The following PPEF2 variants were observed in gnomAD, a reference collection of about 807,000 sequenced individuals.
PPEF2 encodes serine/threonine-protein phosphatase with EF-hands 2.
Under a neutral mutation model 84.7 loss-of-function variants are expected in PPEF2, and 84 were observed. The observed-to-expected ratio is 0.99, with a 90% confidence interval of 0.83 to 1.19. The LOEUF (loss-of-function observed/expected upper bound fraction) is 1.19. Among genes scored for constraint, PPEF2 ranks in the 50% most tolerant of loss-of-function variants. The pLI, the probability that PPEF2 is intolerant of heterozygous loss-of-function variation, is 0.00. For missense variants in PPEF2, 924 were observed against 937.5 expected (o/e 0.99, Z 0.19); for synonymous variants, 346 against 345.2 (o/e 1.00, Z -0.03).
At chr4:75,892,353 GGGGGT>G (rs751032767) in intron 2 of PPEF2, among the ~76,000 whole-genome samples, 1 of 152,090 alleles carries the variant, frequency 6.6e-6, no homozygotes, top group Admixed American at 6.5e-5. Flanking sequence ...GTTATAATGC[GGGGGT>G]GGGGTGGACA....
intron 10 of PPEF2, among the ~76,000 whole-genome samples, chr4:75,879,238 G>A (rs1283484397): frequency 6.6e-6 from 1 of 152,060 alleles, no homozygotes; most frequent in African/African-American, 2.4e-5. Flanking sequence ...TTTTTAAAAT[G>A]GTATTTTGAC....
At position 75,867,419 on chromosome 4, in the gene PPEF2, C is replaced by G. The variant is rs1724158073; in HGVS notation, c.1650G>C (p.Arg550Ser). ...KVTHTLTMRQ[R>S]ISRVEESALR... ...GAGCCGACTCCTCCACTCTGCTAAT[C>G]CTGGGACAGGAGATGAAAAGCGACA... is the stretch of plus-strand genomic sequence containing the variant. The change falls in exon 14 of 17, where the codon AGG becomes AGC. Residue 550 changes from arginine to serine, a missense_variant and splice_region_variant. By Grantham distance (110) the Arg-to-Ser change is moderately radical. Coordinates refer to ENST00000286719, the MANE Select transcript of PPEF2 (RefSeq NM_006239.3). 1.2e-6 allele frequency: 2 copies of G among 1,610,010 alleles called. No homozygotes were observed. The highest frequency in any genetic ancestry group is 2.7e-5 in the African/African-American group (2 of 74,606).
intron 4 of PPEF2, among the ~76,000 whole-genome samples, chr4:75,890,488 C>A (rs1236707367): frequency 3.0e-4 from 37 of 124,566 alleles, no homozygotes; most frequent in African/African-American, 6.4e-4. Context: ...GACCCTGTCT[C>A]AAAAAAAAAA....
chr4:75,889,046 C>T (rs12054638), intron 5 of PPEF2: 74,235 of 152,020 alleles, frequency 0.49, 20,512 homozygotes, highest in East Asian at 0.97. Context: ...TCCATCTCTA[C>T]TAAAAATATA....
intron 15 of PPEF2, among the ~76,000 whole-genome samples, chr4:75,865,156 C>G (rs1431104209): frequency 6.6e-6 from 1 of 152,096 alleles, no homozygotes; most frequent in African/African-American, 2.4e-5. Flanking sequence ...AGGCTAGTCT[C>G]GAACTTCCGA....
rs1724331417 is a variant in PPEF2 at position 75,873,328 on chromosome 4, G to T, written c.1321-16C>A. The T allele has an allele frequency of 6.3e-7, 1 of 1,584,658 alleles. No individual in the cohort carries two copies. Among genetic ancestry groups the T allele is most frequent in the African/African-American group, 1.4e-5 (1 of 73,786 alleles). On this transcript the variant is annotated splice_polypyrimidine_tract_variant and intron_variant, in intron 11 of 16. Transcript: ENST00000286719. ...TATCTACAACCTGAGAAGACCAAGAGATGATTTCCTTCCCAAAAACTAGAT... is the reference window on the plus strand; with the variant it reads ...TATCTACAACCTGAGAAGACCAAGATATGATTTCCTTCCCAAAAACTAGAT...
chr4:75,888,565 C>T (rs1478493446), intron 5 of PPEF2, among the ~76,000 whole-genome samples: 1 of 152,138 alleles, frequency 6.6e-6, no homozygotes, highest in Admixed American at 6.5e-5. Flanking sequence ...TTTCTCTTTC[C>T]TTTCTACTCT....
intron 1 of PPEF2, among the ~76,000 whole-genome samples, chr4:75,897,368 T>G (rs1725033497): frequency 6.6e-6 from 1 of 152,198 alleles, no homozygotes; most frequent in Non-Finnish European, 1.5e-5. Flanking sequence ...AACTCTCACA[T>G]TTTCAGCTAT....
At chr4:75,891,154 C>T (rs539445862) in intron 4 of PPEF2, among the ~76,000 whole-genome samples, 2 of 150,912 alleles carry the variant, frequency 1.3e-5, no homozygotes, top group South Asian at 2.1e-4. Flanking sequence ...GCACTCCAGC[C>T]TGGGTCACAG....
intron 8 of PPEF2, chr4:75,883,594 G>A (rs4590067): frequency 0.91 from 166,894 of 183,944 alleles, 77,687 homozygotes; most frequent in Non-Finnish European, 1. Context: ...TGAGATGGGC[G>A]GATCGCGAGG....
At position 75,888,269 on chromosome 4, in the gene PPEF2, C is replaced by A. The variant is rs1724783479; in HGVS notation, c.477G>T (p.Gln159His). 1 of 1,613,992 alleles carries A rather than the reference C, an allele frequency of 6.2e-7. No homozygotes were observed. Among genetic ancestry groups the A allele is most frequent in the East Asian group, 2.2e-5 (1 of 44,902 alleles). Residue 159 changes from glutamine to histidine, a missense_variant, in exon 6 of 17, where the codon CAG becomes CAT. Gln to His is a conservative substitution (Grantham distance 24, BLOSUM62 0). Transcript: ENST00000286719. Reference protein sequence around the residue: ...LLYETKKHLVQLPNINRVSTC... With the variant: ...LLYETKKHLVHLPNINRVSTC... ...TTGAGACCCGGTTGATGTTTGGCAG[C>A]TGTACCAGATGTTTCTTGGTTTCAT...
At chr4:75,863,133 C>A (rs537763882) in intron 16 of PPEF2, among the ~76,000 whole-genome samples, 1 of 151,978 alleles carries the variant, frequency 6.6e-6, no homozygotes, top group Admixed American at 6.6e-5. Flanking sequence ...GCCAGGGACT[C>A]GTGGAGGAGG....
chr4:75,898,700 T>C (rs545076390), intron 1 of PPEF2, among the ~76,000 whole-genome samples: 1 of 152,336 alleles, frequency 6.6e-6, no homozygotes, highest in African/African-American at 2.4e-5. Context: ...AAATATTAAC[T>C]GAATAAACTT....
intron 15 of PPEF2, among the ~76,000 whole-genome samples, 180 bp downstream of exon 15, chr4:75,866,009 C>T (rs1724121335): frequency 6.6e-6 from 1 of 152,106 alleles, no homozygotes; most frequent in African/African-American, 2.4e-5. Context: ...TTAACTGAGG[C>T]AATGTATGAA....
chr4:75,895,569 A>G (rs1421018772), intron 2 of PPEF2, among the ~76,000 whole-genome samples: 2 of 151,340 alleles, frequency 1.3e-5, no homozygotes, highest in African/African-American at 2.4e-5. Context: ...CAGTGTCTAC[A>G]AAAAACACAA....
chr4:75,894,991 G>T (rs1724974880), intron 2 of PPEF2, among the ~76,000 whole-genome samples: 1 of 152,142 alleles, frequency 6.6e-6, no homozygotes, highest in Non-Finnish European at 1.5e-5. Context: ...ATTTCACTCG[G>T]TCACCCAGGC....
At chr4:75,871,189 G>T (rs1362110536) in intron 13 of PPEF2, among the ~76,000 whole-genome samples, 6 of 152,052 alleles carry the variant, frequency 3.9e-5, no homozygotes, top group Admixed American at 1.3e-4. Flanking sequence ...CAAAGTGCTG[G>T]GATTACAGGC....
At chr4:75,901,981 T>C (rs1505613) in intron 1 of PPEF2, among the ~76,000 whole-genome samples, 151,847 of 152,168 alleles carry the variant, frequency 1, 75,765 homozygotes, top group Middle Eastern at 1. Context: ...GTCTCTTAGG[T>C]GGAAAAAAAA....
At chr4:75,865,887 AG>A (rs1203035726) in intron 15 of PPEF2, among the ~76,000 whole-genome samples, 2 of 152,212 alleles carry the variant, frequency 1.3e-5, no homozygotes, top group African/African-American at 2.4e-5. Flanking sequence ...CCTTGGCTTG[AG>A]TCCCAACTTA....
Sources: allele counts gnomAD v4.1 joint callset (sites outside exome capture counted in the v4.1 genomes callset), GRCh38; gene constraint gnomAD v4.1.1; transcripts MANE v1.5; gene names NCBI Gene and HGNC (gene_info 2026-07-23, HGNC 2026-07-21).